Variants in NUP37 observed in about 807,000 individuals in gnomAD.
The protein encoded by NUP37 is nucleoporin Nup37.
NUP37 carries 33 observed loss-of-function variants against 45.4 expected under a neutral mutation model. That is an observed-to-expected ratio of 0.73 (90% CI 0.55 to 0.97). The LOEUF (loss-of-function observed/expected upper bound fraction) is 0.97. NUP37 is among the 50% of genes least tolerant of loss of function. The probability of loss-of-function intolerance (pLI) is 0.00; values close to 1 mark genes in which losing one functional copy is unlikely to be tolerated. For synonymous variants in NUP37, 127 were observed against 130.7 expected (o/e 0.97, Z 0.19); for missense variants, 365 against 389.7 (o/e 0.94, Z 0.53).
chr12:102,088,621 C>A (rs1423698659), intron 5 of NUP37, among the ~76,000 whole-genome samples: 1 of 150,770 alleles, frequency 6.6e-6, no homozygotes, highest in Non-Finnish European at 1.5e-5. Context: ...CTTGGTCTGA[C>A]TTCTTTTACT....
chr12:102,083,826 G>A (rs1384596118), intron 6 of NUP37, among the ~76,000 whole-genome samples: 2 of 152,202 alleles, frequency 1.3e-5, no homozygotes, highest in African/African-American at 4.8e-5. Context: ...GTGATCAGCA[G>A]TGTAAAACAC....
At chr12:102,079,984 G>C (rs1400034162) in intron 6 of NUP37, among the ~76,000 whole-genome samples, 1 of 152,152 alleles carries the variant, frequency 6.6e-6, no homozygotes, top group Non-Finnish European at 1.5e-5. Flanking sequence ...ATAAAGTTTA[G>C]TGAGGAGGGA....
intron 5 of NUP37, among the ~76,000 whole-genome samples, chr12:102,097,495 C>A (rs1490190414): frequency 1.3e-5 from 2 of 152,016 alleles, no homozygotes; most frequent in African/African-American, 4.8e-5. Context: ...AAGTTAGCAA[C>A]CCTATGTCAG....
chr12:102,098,478 G>T (rs1879876617), intron 5 of NUP37, among the ~76,000 whole-genome samples: 1 of 151,574 alleles, frequency 6.6e-6, no homozygotes, highest in Non-Finnish European at 1.5e-5. Flanking sequence ...CTTGACAACT[G>T]CATTTTACTC....
At chr12:102,089,031 G>T (rs2136724957) in intron 5 of NUP37, among the ~76,000 whole-genome samples, 1 of 152,218 alleles carries the variant, frequency 6.6e-6, no homozygotes, top group East Asian at 1.9e-4. Context: ...TGGGGGTAAG[G>T]TTATAGATTA....
chr12:102,105,134 T>G (rs1880096705), intron 3 of NUP37, among the ~76,000 whole-genome samples: 1 of 152,236 alleles, frequency 6.6e-6, no homozygotes, highest in Non-Finnish European at 1.5e-5. Flanking sequence ...CTTTTAGTCT[T>G]TGGCTTCGTT....
chr12:102,105,924 T>G (rs1258295332), intron 3 of NUP37, among the ~76,000 whole-genome samples: 1 of 150,192 alleles, frequency 6.7e-6, no homozygotes. Flanking sequence ...CCCTGGTAAC[T>G]ACGAGTGCTG....
intron 5 of NUP37, among the ~76,000 whole-genome samples, chr12:102,095,945 T>C (rs1345279321): frequency 6.6e-6 from 1 of 152,146 alleles, no homozygotes; most frequent in Non-Finnish European, 1.5e-5. Flanking sequence ...GCCTTGCCTC[T>C]GCCTTACATT....
chr12:102,085,884 AATTG>A, intron 5 of NUP37, 28 bp from the exon 6 acceptor site: 3 of 1,147,944 alleles, frequency 2.6e-6, no homozygotes, highest in Non-Finnish European at 3.8e-6. Flanking sequence ...GTATAATGTT[AATTG>A]TTCTTGATAT....
At chr12:102,106,305 C>T (rs989666491) in intron 3 of NUP37, among the ~76,000 whole-genome samples, 1 of 152,154 alleles carries the variant, frequency 6.6e-6, no homozygotes, top group Admixed American at 6.5e-5. Flanking sequence ...AATAAAGACG[C>T]CATCATAAAT....
At chr12:102,118,119 C>A (rs1054267247) in intron 2 of NUP37, among the ~76,000 whole-genome samples, 2 of 152,130 alleles carry the variant, frequency 1.3e-5, no homozygotes, top group Non-Finnish European at 2.9e-5. Context: ...CTTCACTTAT[C>A]AGAATATTCC....
chr12:102,081,538 G>A (rs1038582593), intron 6 of NUP37, among the ~76,000 whole-genome samples: 5 of 152,166 alleles, frequency 3.3e-5, no homozygotes, highest in African/African-American at 1.2e-4. Flanking sequence ...GTGACCTTGG[G>A]CAAAATGCTT....
intron 5 of NUP37, among the ~76,000 whole-genome samples, chr12:102,090,971 A>C (rs889132572): frequency 3.3e-5 from 5 of 152,226 alleles, no homozygotes; most frequent in African/African-American, 1.2e-4. Context: ...TTCTACTATA[A>C]AAGAAAAAAA....
chr12:102,096,264 T>C (rs1248246228), intron 5 of NUP37, among the ~76,000 whole-genome samples: 1 of 152,178 alleles, frequency 6.6e-6, no homozygotes, highest in Admixed American at 6.5e-5. Flanking sequence ...AATTTTCTTA[T>C]AAACTTGCAC....
chr12:102,088,966 A>G (rs1879558284), intron 5 of NUP37, among the ~76,000 whole-genome samples: 1 of 151,804 alleles, frequency 6.6e-6, no homozygotes, highest in Non-Finnish European at 1.5e-5. Context: ...ATCTTGCACC[A>G]CCCTTAATCC....
intron 9 of NUP37, 124 bp from the exon 10 acceptor site, chr12:102,074,591 T>C (rs1879116084): frequency 1.6e-6 from 1 of 621,924 alleles, no homozygotes; most frequent in South Asian, 2.1e-5. Flanking sequence ...AATTTAAAAA[T>C]ATGCTCCCTT....
chr12:102,074,654 T>C (rs1472040310), intron 9 of NUP37, 187 bp from the exon 10 acceptor site: 4 of 544,632 alleles, frequency 7.3e-6, no homozygotes, highest in Non-Finnish European at 9.7e-6. Flanking sequence ...ATACAATCCA[T>C]CTATGAATAA....
At chr12:102,093,567 A>C (rs1468305325) in intron 5 of NUP37, among the ~76,000 whole-genome samples, 5 of 152,100 alleles carry the variant, frequency 3.3e-5, no homozygotes, top group African/African-American at 1.2e-4. Flanking sequence ...AGGAATTCAG[A>C]GTAGAAGGGC....
intron 8 of NUP37, 105 bp downstream of exon 8, chr12:102,076,692 G>C (rs1565827353): frequency 2.4e-6 from 2 of 820,282 alleles, no homozygotes; most frequent in Non-Finnish European, 3.8e-6. Context: ...AACAATAAGG[G>C]AAAAAAAAAA....
Sources: allele counts gnomAD v4.1 joint callset (sites outside exome capture counted in the v4.1 genomes callset), GRCh38; gene constraint gnomAD v4.1.1; transcripts MANE v1.5; gene names NCBI Gene and HGNC (gene_info 2026-07-23, HGNC 2026-07-21).